The following TJP1 variants were observed in gnomAD, a reference collection of about 807,000 sequenced individuals.
The protein encoded by TJP1 is tight junction protein 1.
In TJP1, 43 loss-of-function variants were observed where a neutral mutation model predicts 194.2. The observed-to-expected ratio is 0.22, with a 90% CI of 0.17 to 0.29. TJP1 has a LOEUF of 0.29. Ranked by LOEUF, TJP1 falls within the 10% of genes least tolerant of loss-of-function variation. TJP1 has a pLI of 1.00. For missense variants in TJP1, 1,971 were observed against 2,185.7 expected (o/e 0.90, Z 1.96); for synonymous variants, 801 against 779.0 (o/e 1.03, Z -0.47).
At chr15:29,821,727 C>G (rs1273499899) in intron 1 of TJP1, among the ~76,000 whole-genome samples, 1 of 151,912 alleles carries the variant, frequency 6.6e-6, no homozygotes, top group Non-Finnish European at 1.5e-5. Context: ...CGCAGCCAGG[C>G]ACAGGCGCCG....
At chr15:29,815,770 A>G (rs1349722574) in intron 1 of TJP1, among the ~76,000 whole-genome samples, 2 of 152,226 alleles carry the variant, frequency 1.3e-5, no homozygotes, top group South Asian at 2.1e-4. Flanking sequence ...GTGATCTATC[A>G]TATTTATACA....
At chr15:29,967,671 C>T (rs1293954394) in intron 1 of TJP1, among the ~76,000 whole-genome samples, 2 of 152,156 alleles carry the variant, frequency 1.3e-5, no homozygotes, top group Non-Finnish European at 2.9e-5. Flanking sequence ...CTTGGCTGAT[C>T]ACGCTATATA....
rs1156724424 is a variant in TJP1, at chr15:29,908,048, CAAAAAAAAAAAAAAAAAAAAAAAAAA to C, written c.306+48158_306+48183del. Among the ~76,000 whole-genome samples, 5 of 19,524 alleles carry C rather than the reference CAAAAAAAAAAAAAAAAAAAAAAAAAA, an allele frequency of 2.6e-4. No homozygotes were observed. The East Asian group carries it at 0.012, about 45-fold the overall frequency. 12.8% of individuals were successfully genotyped at this position (19,524 alleles called of 152,430 possible). ...AAAGTTGAGAAATTACCTTATAAAG[CAAAAAAAAAAAAAAAAAAAAAAAAAA>C]AAAAAAAAAAAGAAGAAGAAGAAGG... On this transcript the variant is annotated intron_variant, in intron 2 of 28. Transcript: ENST00000356107.
intron 8 of TJP1, among the ~76,000 whole-genome samples, chr15:29,748,539 A>C (rs1315001422): frequency 6.7e-6 from 1 of 149,690 alleles, no homozygotes; most frequent in Non-Finnish European, 1.5e-5. Flanking sequence ...ATAATGAATC[A>C]CATTTTTCCC....
intron 2 of TJP1, among the ~76,000 whole-genome samples, chr15:29,908,366 A>C (rs2053897667): frequency 6.6e-6 from 1 of 152,178 alleles, no homozygotes; most frequent in African/African-American, 2.4e-5. Context: ...AACACTGGGA[A>C]CTAGAAACAA....
chr15:29,810,762 T>C (rs1458116841), intron 1 of TJP1, among the ~76,000 whole-genome samples: 1 of 152,150 alleles, frequency 6.6e-6, no homozygotes, highest in Non-Finnish European at 1.5e-5. Context: ...AAGAGACAGC[T>C]ATGAGGTGCA....
intron 2 of TJP1, among the ~76,000 whole-genome samples, chr15:29,932,508 G>C (rs2054752954): frequency 6.6e-6 from 1 of 151,512 alleles, no homozygotes; most frequent in East Asian, 1.9e-4. Context: ...AATGTAAAAA[G>C]CAAACTTTAA....
intron 2 of TJP1, among the ~76,000 whole-genome samples, chr15:29,876,291 G>A (rs946647486): frequency 2.0e-5 from 3 of 152,180 alleles, no homozygotes; most frequent in Non-Finnish European, 2.9e-5. Flanking sequence ...AGGCTGAGGC[G>A]TGTGGATCAC....
intron 11 of TJP1, among the ~76,000 whole-genome samples, chr15:29,736,786 C>A (rs1330440891): frequency 6.6e-6 from 1 of 152,154 alleles, no homozygotes; most frequent in Non-Finnish European, 1.5e-5. Context: ...TGAATTCCAT[C>A]TCCCTGTGTC....
At chr15:29,949,876 CACA>C (rs2055588094) in intron 2 of TJP1, among the ~76,000 whole-genome samples, 1 of 85,842 alleles carries the variant, frequency 1.2e-5, no homozygotes, top group Non-Finnish European at 2.2e-5. Context: ...CCTCCACCTC[CACA>C]ACCACCACCT....
chr15:29,708,689 G>C lies in TJP1; in HGVS notation c.4720C>G (p.Leu1574Val). The change falls in exon 25 of 28, where the codon CTT becomes GTT. Residue 1574 changes from leucine (L) to valine (V), a missense_variant. Physicochemically the swap from Leu to Val is conservative, Grantham distance 32. Around this residue, in one of 5 missense-constraint regions of TJP1, gnomAD observed 1,108 missense variants for 1,128.5 expected, o/e 0.98. Transcript: ENST00000614355. The stretch of plus-strand genomic sequence containing the variant: ...TGTGCCAAACTGTGCGATTTCACAA[G>C]AGTTTTTGGAGAAGTGGGAGTTTTT... ...SSKTPTSPKT[L>V]VKSHSLAQPP... The C allele has an allele frequency of 6.2e-7, 1 of 1,614,248 alleles. No individual in the cohort carries two copies. Among genetic ancestry groups the C allele is most frequent in the East Asian group, 2.2e-5 (1 of 44,884 alleles).
At chr15:29,762,580 G>T in intron 5 of TJP1, 142 bp from the exon 6 acceptor site, 1 of 597,838 alleles carries the variant, frequency 1.7e-6, no homozygotes, top group Non-Finnish European at 2.9e-6. Flanking sequence ...TGGCCATCCT[G>T]CAAATAAGAC....
chr15:29,874,236 T>C (rs2052622142), intron 2 of TJP1, among the ~76,000 whole-genome samples: 1 of 152,088 alleles, frequency 6.6e-6, no homozygotes, highest in Non-Finnish European at 1.5e-5. Context: ...CCTCTATCCC[T>C]GAGAAGGAGG....
chr15:29,843,257 C>G (rs189164260), intron 2 of TJP1, among the ~76,000 whole-genome samples: 93 of 151,498 alleles, frequency 6.1e-4, no homozygotes, highest in African/African-American at 2.1e-3. Context: ...GGCGCAATCT[C>G]GGCTCACTGC....
intron 2 of TJP1, among the ~76,000 whole-genome samples, chr15:29,828,021 A>AT (rs1478536874): frequency 6.6e-6 from 1 of 152,208 alleles, no homozygotes; most frequent in African/African-American, 2.4e-5. Context: ...CAATTGATAT[A>AT]TTTTTTAAAG....
At chr15:29,943,498 T>C (rs1468465962) in intron 2 of TJP1, among the ~76,000 whole-genome samples, 2 of 146,560 alleles carry the variant, frequency 1.4e-5, no homozygotes, top group East Asian at 2.1e-4. Context: ...CATGGTGGCG[T>C]GCGCCTGTAA....
Position 29,887,922 on chromosome 15 carries a change from G to C in TJP1, c.306+68310C>G, listed in dbSNP as rs192327719. Among the ~76,000 whole-genome samples, 302 of 148,786 alleles carry C rather than the reference G, an allele frequency of 2.0e-3. 2 individuals are homozygous for C. The highest frequency in any genetic ancestry group is 8.1e-3 in the South Asian group (39 of 4,826). ...TGTAACTGGAGCCTTAAATATATTT[G>C]TATCTGTGACCCAGTAATTCCACTT... On this transcript the variant is annotated intron_variant, in intron 2 of 28. Transcript: ENST00000356107.
chr15:29,794,664 T>C (rs904576594), intron 2 of TJP1, among the ~76,000 whole-genome samples: 1 of 152,156 alleles, frequency 6.6e-6, no homozygotes. Flanking sequence ...AGCAAGAGCA[T>C]ACAAAGGGAA....
In TJP1 at chr15:29,766,473, C is replaced by T; in HGVS notation, c.382G>A (p.Glu128Lys). The T allele has an allele frequency of 6.2e-7, 1 of 1,612,966 alleles. No individual in the cohort carries two copies. Among genetic ancestry groups the T allele is most frequent in the African/African-American group, 1.3e-5 (1 of 75,052 alleles). The change falls in exon 5 of 28, where the codon GAA (glutamate) becomes AAA (lysine). Residue 128 changes from glutamate to lysine, a missense_variant. Transcript: ENST00000614355. ...RPDPEPVSDN[E>K]EDSYDEEIHD... ...ATTTCCTCATCATAACTATCTTCTT[C>T]ATTATCAGATACTGGTTCAGGATCA...
Sources: allele counts gnomAD v4.1 joint callset (sites outside exome capture counted in the v4.1 genomes callset), GRCh38; gene constraint gnomAD v4.1.1; regional missense constraint gnomAD v4.1.1; transcripts MANE v1.5; gene names NCBI Gene and HGNC (gene_info 2026-07-23, HGNC 2026-07-21).